The following TMPRSS11B variants were observed in gnomAD, a reference collection of about 807,000 sequenced individuals.
The protein encoded by TMPRSS11B is transmembrane serine protease 11B, also known as transmembrane protease serine 11B.
Under a neutral mutation model 44.7 loss-of-function variants are expected in TMPRSS11B, and 53 were observed. That is an observed-to-expected ratio of 1.19 (90% CI 0.95 to 1.49). The LOEUF (loss-of-function observed/expected upper bound fraction) is 1.49. TMPRSS11B is among the 40% of genes most tolerant of loss of function. The pLI, the probability that TMPRSS11B is intolerant of heterozygous loss-of-function variation, is 0.00. For missense variants in TMPRSS11B, 526 were observed against 494.8 expected (o/e 1.06, Z -0.60); for synonymous variants, 140 against 159.2 (o/e 0.88, Z 0.91).
chr4:68,241,208 A>G (rs1357884527), intron 2 of TMPRSS11B, among the ~76,000 whole-genome samples: 1 of 152,198 alleles, frequency 6.6e-6, no homozygotes, highest in Admixed American at 6.6e-5. Flanking sequence ...TGTTAATAAA[A>G]GTTTTAAAAA....
intron 7 of TMPRSS11B, among the ~76,000 whole-genome samples, chr4:68,229,998 C>A (rs572940907): frequency 3.3e-5 from 5 of 152,226 alleles, no homozygotes; most frequent in African/African-American, 1.2e-4. Flanking sequence ...CACTTATAAG[C>A]AAGAAGATGT....
Position 68,229,403 on chromosome 4 carries a change from A to G in TMPRSS11B, c.800T>C (p.Leu267Pro), listed in dbSNP as rs911607368. 6.2e-7 allele frequency: 1 copy of G among 1,614,094 alleles called. No homozygotes were observed. The highest frequency in any genetic ancestry group is 8.5e-7 in the Non-Finnish European group (1 of 1,179,996). Reference protein sequence around the residue: ...IFHENYSSPGLHDDIALVQLA... With the variant: ...IFHENYSSPGPHDDIALVQLA... ...CTGCACAAGGGCAATATCATCATGA[A>G]GCCCAGGACTGCTATAATTTTCATG... The change falls in exon 8 of 10, where the codon CTT becomes CCT. Residue 267 changes from leucine (L) to proline (P), a missense_variant. Coordinates refer to ENST00000332644, the MANE Select transcript of TMPRSS11B (RefSeq NM_182502.3).
At chr4:68,245,407 C>T (rs531532980) in intron 1 of TMPRSS11B, 144 bp downstream of exon 1, 28 of 904,910 alleles carry the variant, frequency 3.1e-5, no homozygotes, top group Non-Finnish European at 4.8e-5. Context: ...GGTCTGTAGA[C>T]CTCAGACAAT....
chr4:68,242,313 TA>T lies in TMPRSS11B; in HGVS notation c.9-510del, dbSNP rs1393711396. 1.6e-3 allele frequency among the ~76,000 whole-genome samples: 116 copies of T among 74,182 alleles called. 6 individuals are homozygous for T. The highest frequency in any genetic ancestry group is 7.2e-3 in the African/African-American group (112 of 15,502). The allele number at this position is 74,182 out of a possible 152,430, so 48.7% of individuals were successfully genotyped here. On this transcript the variant is annotated intron_variant, in intron 1 of 9. Transcript: ENST00000332644. ...ATTATACATAATATAATATATATAA[TA>T]TTATATATATAATATTATATTATAT...
chr4:68,237,797 C>T (rs1373915641), intron 2 of TMPRSS11B, among the ~76,000 whole-genome samples: 2 of 152,164 alleles, frequency 1.3e-5, no homozygotes, highest in Non-Finnish European at 2.9e-5. Flanking sequence ...GGGAGGACTG[C>T]TTGAGTCCAG....
In TMPRSS11B at chr4:68,229,350, A is replaced by G. The variant is rs1355973907; in HGVS notation, c.853T>C (p.Tyr285His). 2.5e-6 allele frequency: 4 copies of G among 1,614,062 alleles called. No homozygotes were observed. In the South Asian group the frequency reaches 4.4e-5, roughly 18 times the overall value. The change falls in exon 8 of 10, where the codon TAC becomes CAC. Residue 285 changes from tyrosine to histidine, a missense_variant. Physicochemically the swap from Tyr to His is moderately conservative, Grantham distance 83. Transcript: ENST00000332644. Reference sequence around the variant, plus strand: ...TCAGGAAGACAAATCTTACGAATGTACTCTGTAAAAGAAACTTCTTCAGCA... The same window carrying G: ...TCAGGAAGACAAATCTTACGAATGTGCTCTGTAAAAGAAACTTCTTCAGCA... ...QLAEEVSFTE[Y>H]IRKICLPEAK...
At chr4:68,229,673 G>T in intron 7 of TMPRSS11B, 157 bp from the exon 8 acceptor site, 1 of 623,068 alleles carries the variant, frequency 1.6e-6, no homozygotes, top group Non-Finnish European at 2.6e-6. Context: ...TGGAGCTGTT[G>T]TAAATGTTGC....
chr4:68,233,297 C>T lies in TMPRSS11B; in HGVS notation c.470-881G>A, dbSNP rs571777665. Among the ~76,000 whole-genome samples, 37 of 152,124 alleles carry T rather than the reference C, an allele frequency of 2.4e-4. 1 individual carries two copies. Among genetic ancestry groups the T allele is most frequent in the Admixed American group, 9.2e-4 (14 of 15,254 alleles). ...GGGTCTTTATTGTGTGGCAAAAGAG[C>T]GGTAACTGGCAGATGTTGCTGGCCT... On this transcript the variant is annotated intron_variant, in intron 5 of 9. Transcript: ENST00000332644.
At chr4:68,240,320 G>T (rs1044733048) in intron 2 of TMPRSS11B, among the ~76,000 whole-genome samples, 7 of 152,148 alleles carry the variant, frequency 4.6e-5, no homozygotes, top group African/African-American at 1.7e-4. Context: ...TTACCACAGC[G>T]TTTGTGTCCA....
chr4:68,228,927 T>C, intron 8 of TMPRSS11B, 43 bp from the exon 9 acceptor site: 1 of 1,586,336 alleles, frequency 6.3e-7, no homozygotes, highest in Non-Finnish European at 8.6e-7. Context: ...TCTTAGACTT[T>C]GCTGGGACAA....
intron 2 of TMPRSS11B, among the ~76,000 whole-genome samples, chr4:68,236,631 C>T (rs1719675929): frequency 6.6e-6 from 1 of 152,128 alleles, no homozygotes; most frequent in Admixed American, 6.6e-5. Flanking sequence ...CTGCTAAGTC[C>T]AGATATACCC....
Position 68,234,477 on chromosome 4 carries a change from G to C in TMPRSS11B, c.455C>G (p.Ser152Cys). 1 of 1,613,682 alleles carries C rather than the reference G, an allele frequency of 6.2e-7. No homozygotes were observed. The highest frequency in any genetic ancestry group is 8.5e-7 in the Non-Finnish European group (1 of 1,179,878). Residue 152 changes from serine (S) to cysteine (C), a missense_variant, in exon 5 of 10, where the codon TCC becomes TGC. By Grantham distance (112) the Ser-to-Cys change is moderately radical. Transcript: ENST00000332644. ...NMASWNAVPASIKLMEISKAA... is the reference protein window; with the variant it reads ...NMASWNAVPACIKLMEISKAA... Reference sequence around the variant, plus strand: ...AAGTCAAATACCCATGAGTTTAATGGAAGCAGGAACTGCATTCCAGGATGC... The same window carrying C: ...AAGTCAAATACCCATGAGTTTAATGCAAGCAGGAACTGCATTCCAGGATGC...
chr4:68,234,529 A>T lies in TMPRSS11B; in HGVS notation c.403T>A (p.Leu135Ile). Residue 135 changes from leucine (L) to isoleucine (I), a missense_variant, in exon 5 of 10, where the codon TTA becomes ATA. Transcript: ENST00000332644. Reference protein sequence around the residue: ...VSMRTKIKAKLHQMLKNNMAS... With the variant: ...VSMRTKIKAKIHQMLKNNMAS... ...ATGTTGTTTTTCAACATCTGATGTAATTTAGCCTTGATTTTAGTCCTCATG... is the reference window on the plus strand; with the variant it reads ...ATGTTGTTTTTCAACATCTGATGTATTTTAGCCTTGATTTTAGTCCTCATG... 6.2e-7 allele frequency: 1 copy of T among 1,613,988 alleles called. No individual in the cohort carries two copies. Among genetic ancestry groups the T allele is most frequent in the Non-Finnish European group, 8.5e-7 (1 of 1,179,950 alleles).
chr4:68,231,857 C>T, intron 6 of TMPRSS11B: 1 of 155,018 alleles, frequency 6.5e-6, no homozygotes, highest in East Asian at 1.9e-4. Context: ...CCTATAGGCC[C>T]AGCTACTTGG....
At position 68,244,744 on chromosome 4, in the gene TMPRSS11B, T is replaced by G. The variant is rs188753015; in HGVS notation, c.8+807A>C. 4.2e-3 allele frequency among the ~76,000 whole-genome samples: 638 copies of G among 152,310 alleles called. 1 individual carries two copies. Among genetic ancestry groups the G allele is most frequent in the Non-Finnish European group, 6.9e-3 (467 of 68,012 alleles). ...GTGGTTAGATTTCCTTTTAACCACTTTTGGGCACTGCTTTAGGAGTTAAAC... is the reference window on the plus strand; with the variant it reads ...GTGGTTAGATTTCCTTTTAACCACTGTTGGGCACTGCTTTAGGAGTTAAAC... On this transcript the variant is annotated intron_variant, in intron 1 of 9. Transcript: ENST00000332644.
At chr4:68,230,242 G>A (rs1231676003) in intron 7 of TMPRSS11B, among the ~76,000 whole-genome samples, 2 of 152,010 alleles carry the variant, frequency 1.3e-5, no homozygotes, top group Non-Finnish European at 2.9e-5. Flanking sequence ...ATGGCTTTTT[G>A]GTAGAACAAT....
Position 68,241,680 on chromosome 4 carries a change from A to C in TMPRSS11B, c.124+9T>G. On this transcript the variant is annotated intron_variant, in intron 2 of 9. Transcript: ENST00000332644. ...GCAAGGATGAAAACTGAAAATAATC[A>C]GTACTCACCAACTGCCAGAAAATGA... 6.5e-7 allele frequency: 1 copy of C among 1,530,362 alleles called. No individual in the cohort carries two copies. The highest frequency in any genetic ancestry group is 9.0e-7 in the Non-Finnish European group (1 of 1,105,718). The allele number at this position is 1,530,362 out of a possible 1,614,324, so 94.8% of individuals were successfully genotyped here.
intron 7 of TMPRSS11B, 86 bp from the exon 8 acceptor site, chr4:68,229,602 A>T (rs566522082): frequency 1.2e-5 from 15 of 1,289,464 alleles, no homozygotes; most frequent in Non-Finnish European, 1.6e-5. Flanking sequence ...ATTTTAAGGC[A>T]TGAGGTTCCC....
At chr4:68,234,972 T>G (rs945221675) in intron 4 of TMPRSS11B, among the ~76,000 whole-genome samples, 6 of 152,152 alleles carry the variant, frequency 3.9e-5, no homozygotes, top group African/African-American at 1.4e-4. Flanking sequence ...ATAACTTCAT[T>G]TTATAGAAAG....
Sources: gnomAD v4.1 joint callset for allele counts (sites outside exome capture counted in the v4.1 genomes callset) on GRCh38, gnomAD v4.1.1 for gene constraint, MANE v1.5 for transcripts, NCBI Gene and HGNC (gene_info 2026-07-23, HGNC 2026-07-21) for gene names.